The following SMOC1 variants were observed in gnomAD, a reference collection of about 807,000 sequenced individuals.
SMOC1 encodes SPARC related modular calcium binding 1, also known as SPARC-related modular calcium-binding protein 1.
Under a neutral mutation model 56.3 loss-of-function variants are expected in SMOC1, and 22 were observed. That is an observed-to-expected ratio of 0.39 (90% CI 0.28 to 0.56). The LOEUF is 0.56. Among genes scored for constraint, SMOC1 ranks in the 20% least tolerant of loss-of-function variants. The pLI is 0.61. For missense variants in SMOC1, 509 were observed against 565.4 expected, an observed-to-expected ratio of 0.90 and a Z score of 1.01; for synonymous variants, 193 against 215.0, an observed-to-expected ratio of 0.90 and a Z score of 0.89.
At chr14:69,889,651 G>T (rs748067019) in intron 1 of SMOC1, among the ~76,000 whole-genome samples, 1 of 152,208 alleles carries the variant, frequency 6.6e-6, no homozygotes, top group Non-Finnish European at 1.5e-5. Flanking sequence ...CATGACAAAT[G>T]AACACAAACT....
intron 7 of SMOC1, among the ~76,000 whole-genome samples, chr14:69,998,145 T>G (rs760120283): frequency 6.6e-6 from 1 of 152,190 alleles, no homozygotes; most frequent in Non-Finnish European, 1.5e-5. Context: ...TGGCCCTTGT[T>G]TTTAAGGCTT....
At chr14:69,986,620 T>C (rs1884374192) in intron 5 of SMOC1, among the ~76,000 whole-genome samples, 1 of 152,136 alleles carries the variant, frequency 6.6e-6, no homozygotes. Flanking sequence ...CATTTCAAAA[T>C]AAAAAGTTAA....
At chr14:69,893,254 T>C (rs1884012615) in intron 1 of SMOC1, among the ~76,000 whole-genome samples, 1 of 152,230 alleles carries the variant, frequency 6.6e-6, no homozygotes, top group East Asian at 1.9e-4. Flanking sequence ...TAGCACCCAT[T>C]GATGATCATT....
At chr14:69,912,814 G>A (rs968671545) in intron 1 of SMOC1, among the ~76,000 whole-genome samples, 6 of 152,062 alleles carry the variant, frequency 3.9e-5, no homozygotes, top group African/African-American at 9.7e-5. Context: ...TCCTGGTTGC[G>A]TCCCTCCTCG....
chr14:69,987,343 A>G (rs1884401506), intron 5 of SMOC1, among the ~76,000 whole-genome samples: 1 of 152,164 alleles, frequency 6.6e-6, no homozygotes, highest in Non-Finnish European at 1.5e-5. Context: ...ACATCTCAGA[A>G]TGGGGGAAGT....
intron 3 of SMOC1, among the ~76,000 whole-genome samples, chr14:69,956,406 T>C (rs1002482970): frequency 6.6e-6 from 1 of 151,224 alleles, no homozygotes; most frequent in Non-Finnish European, 1.5e-5. Context: ...TGCCGGGAGA[T>C]GAATGCTTTC....
chr14:69,978,807 CA>C (rs1248344148), intron 5 of SMOC1, among the ~76,000 whole-genome samples: 2 of 152,098 alleles, frequency 1.3e-5, no homozygotes, highest in Non-Finnish European at 2.9e-5. Context: ...CTGGGCCCCA[CA>C]AGTGACGTAG....
rs1883574169 is a variant in SMOC1 at position 69,879,627 on chromosome 14, C to G, written c.-52C>G. ...AGGAAGGGAGGCGCGCTGTGCGCCC[C>G]GCGGAGCCCGCGAACCCCGCTCGCT... On this transcript the variant is annotated 5_prime_UTR_variant, in exon 1 of 12. Coordinates refer to ENST00000361956, the MANE Select transcript of SMOC1 (RefSeq NM_001034852.3). 3 of 1,362,474 alleles carry G rather than the reference C, an allele frequency of 2.2e-6. No homozygotes were observed. The highest frequency in any genetic ancestry group is 3.1e-5 in the African/African-American group (2 of 65,528). 84.4% of individuals were successfully genotyped at this position (1,362,474 alleles called of 1,614,324 possible). A position where few individuals can be genotyped will look rare whatever the true frequency, so the allele number is the denominator to read the frequency against.
At chr14:69,885,752 T>G (rs879222024) in intron 1 of SMOC1, 46 of 1,496,208 alleles carry the variant, frequency 3.1e-5, no homozygotes, top group South Asian at 1.6e-4. Flanking sequence ...TGGTCTCTTC[T>G]TCGGGACGTC....
chr14:70,017,262 G>A (rs769425599), intron 10 of SMOC1, among the ~76,000 whole-genome samples: 2 of 152,166 alleles, frequency 1.3e-5, no homozygotes, highest in African/African-American at 2.4e-5. Flanking sequence ...ACCAGGGCCC[G>A]AGGGTACCCT....
At chr14:69,953,674 C>T (rs1883086807) in intron 3 of SMOC1, 142 bp downstream of exon 3, 2 of 747,068 alleles carry the variant, frequency 2.7e-6, no homozygotes, top group South Asian at 2.9e-5. Flanking sequence ...TCTGTGCTGC[C>T]TTCCCCCTCT....
At position 70,005,176 on chromosome 14, in the gene SMOC1, AAAAG is replaced by A. The variant is rs369088434; in HGVS notation, c.665-5575_665-5572del. 7.3e-3 allele frequency among the ~76,000 whole-genome samples: 1,114 copies of A among 152,386 alleles called. 14 individuals are homozygous for A. The highest frequency in any genetic ancestry group is 0.025 in the African/African-American group (1,051 of 41,590). Reference sequence around the variant, plus strand: ...TTTGGCCATTTTTGCTTTAAACAAAAAAAGAAGAGAAAGGAAAAAGATGATGAAG... The same window carrying A: ...TTTGGCCATTTTTGCTTTAAACAAAAAAGAGAAAGGAAAAAGATGATGAAG... On this transcript the variant is annotated intron_variant, in intron 7 of 11. Transcript: ENST00000361956.
intron 7 of SMOC1, among the ~76,000 whole-genome samples, chr14:69,994,819 C>T (rs957922366): frequency 3.3e-5 from 5 of 152,130 alleles, no homozygotes; most frequent in South Asian, 2.1e-4. Context: ...TGGAGGGAGT[C>T]GATTCTGTGT....
chr14:69,983,491 C>G (rs1884253945), intron 5 of SMOC1, among the ~76,000 whole-genome samples: 1 of 152,166 alleles, frequency 6.6e-6, no homozygotes, highest in South Asian at 2.1e-4. Context: ...AGGAAAACCT[C>G]CAGCGGAGCA....
At chr14:69,955,913 A>G (rs1883168663) in intron 3 of SMOC1, among the ~76,000 whole-genome samples, 1 of 152,122 alleles carries the variant, frequency 6.6e-6, no homozygotes. Context: ...AGGAGAGTGG[A>G]GTTTGTGGCC....
At chr14:69,916,788 A>G (rs1884698012) in intron 1 of SMOC1, among the ~76,000 whole-genome samples, 1 of 152,042 alleles carries the variant, frequency 6.6e-6, no homozygotes, top group South Asian at 2.1e-4. Context: ...TACACCCTTT[A>G]CATTCCCTTT....
intron 1 of SMOC1, among the ~76,000 whole-genome samples, chr14:69,939,039 T>G (rs1882450440): frequency 6.6e-6 from 1 of 152,198 alleles, no homozygotes; most frequent in African/African-American, 2.4e-5. Flanking sequence ...AGCCCTTTTA[T>G]TTAAAGCACT....
Position 69,945,360 on chromosome 14 carries a change from C to A in SMOC1, c.100-6778C>A, listed in dbSNP as rs538676529. Among the ~76,000 whole-genome samples the A allele has an allele frequency of 3.3e-5, 5 of 152,188 alleles. No homozygotes were observed. The East Asian group carries it at 9.6e-4, about 29-fold the overall frequency. On this transcript the variant is annotated intron_variant, in intron 1 of 11. Coordinates refer to ENST00000361956, the MANE Select transcript of SMOC1 (RefSeq NM_001034852.3). ...CTTTTTAGGATGATAACCTCAGTGGCAATGTGGAATTTGAACTTGGATTAG... is the reference window on the plus strand; with the variant it reads ...CTTTTTAGGATGATAACCTCAGTGGAAATGTGGAATTTGAACTTGGATTAG...
chr14:69,993,269 G>A lies in SMOC1; in HGVS notation c.583+796G>A, dbSNP rs527393973. Among the ~76,000 whole-genome samples, 16 of 152,274 alleles carry A rather than the reference G, an allele frequency of 1.1e-4. No homozygotes were observed. In the East Asian group the frequency reaches 3.1e-3, roughly 29 times the overall value. ...GTGGCTGGTGGCAAAAGAGAGGCTG[G>A]AAGTCTCTGGAGGCATAGAGAGAGG... On this transcript the variant is annotated intron_variant, in intron 6 of 11. Coordinates refer to ENST00000361956, the MANE Select transcript of SMOC1 (RefSeq NM_001034852.3).
Sources: allele counts gnomAD v4.1 joint callset (sites outside exome capture counted in the v4.1 genomes callset), GRCh38; gene constraint gnomAD v4.1.1; transcripts MANE v1.5; gene names NCBI Gene and HGNC (gene_info 2026-07-23, HGNC 2026-07-21).